Variants in SFMBT2 observed in about 807,000 individuals in gnomAD.
SFMBT2 encodes the protein scm-like with four MBT domains protein 2.
SFMBT2 carries 38 observed loss-of-function variants against 110.1 expected under a neutral mutation model. The observed-to-expected ratio is 0.35, with a 90% CI of 0.27 to 0.45. SFMBT2 has a LOEUF of 0.45. Among genes scored for constraint, SFMBT2 ranks in the 20% least tolerant of loss-of-function variants. SFMBT2 has a pLI of 1.00. For synonymous variants in SFMBT2, 425 were observed against 425.4 expected (o/e 1.00, Z 0.01); for missense variants, 1,011 against 1,094.9 (o/e 0.92, Z 1.08).
At chr10:7,394,447 G>A (rs571372566) in intron 1 of SFMBT2, among the ~76,000 whole-genome samples, 82 of 151,360 alleles carry the variant, frequency 5.4e-4, no homozygotes, top group African/African-American at 1.9e-3. Flanking sequence ...TGGGGAACAC[G>A]CCACTTCCTA....
rs71382101 is a variant in SFMBT2 at position 7,342,396 on chromosome 10, C to CTTTTTTTTTTT, written c.436+25242_436+25252dup. 1.1e-3 allele frequency among the ~76,000 whole-genome samples: 76 copies of CTTTTTTTTTTT among 69,654 alleles called. 15 individuals are homozygous for CTTTTTTTTTTT. The highest frequency in any genetic ancestry group is 1.7e-3 in the Non-Finnish European group (62 of 36,200). The allele number at this position is 69,654 out of a possible 152,430, so 45.7% of individuals were successfully genotyped here. ...ATTTAGGAATTGCACTGGAGTGAGT[C>CTTTTTTTTTTT]TTTTTTTTTTTTTTTTTTTTTTTTT... is the stretch of plus-strand genomic sequence containing the variant. On this transcript the variant is annotated intron_variant, in intron 4 of 20. Coordinates refer to ENST00000397167, the MANE Select transcript of SFMBT2 (RefSeq NM_001387889.1).
At chr10:7,202,936 T>C in intron 12 of SFMBT2, 1 of 985,430 alleles carries the variant, frequency 1.0e-6, no homozygotes, top group Non-Finnish European at 1.2e-6. Flanking sequence ...CAAGGTGCTG[T>C]CAGAGGCATG....
At chr10:7,287,189 C>T (rs1842118110) in intron 4 of SFMBT2, among the ~76,000 whole-genome samples, 1 of 150,280 alleles carries the variant, frequency 6.7e-6, no homozygotes, top group Admixed American at 6.7e-5. Flanking sequence ...ACGCCATTCT[C>T]CTGCCTCAGC....
intron 1 of SFMBT2, among the ~76,000 whole-genome samples, chr10:7,384,613 A>G (rs1845535832): frequency 6.6e-6 from 1 of 152,220 alleles, no homozygotes; most frequent in Non-Finnish European, 1.5e-5. Flanking sequence ...TGGAATCGAC[A>G]CTAAATGAAG....
intron 4 of SFMBT2, chr10:7,294,989 G>A (rs1257241171): frequency 6.6e-6 from 1 of 152,074 alleles, no homozygotes; most frequent in Admixed American, 6.5e-5. Context: ...CTTGTTAACA[G>A]TTTATTTATC....
chr10:7,319,558 AG>A (rs1252237545), intron 4 of SFMBT2, among the ~76,000 whole-genome samples: 26 of 152,360 alleles, frequency 1.7e-4, no homozygotes, highest in African/African-American at 5.5e-4. Context: ...ATGGTATATC[AG>A]GAAGTTTCAT....
intron 1 of SFMBT2, among the ~76,000 whole-genome samples, chr10:7,403,515 G>A (rs141451146): frequency 1.3e-4 from 20 of 152,090 alleles, no homozygotes; most frequent in South Asian, 2.1e-4. Flanking sequence ...GGTGGTGTGC[G>A]CCTGTAGTTC....
intron 4 of SFMBT2, among the ~76,000 whole-genome samples, chr10:7,351,401 C>T (rs542352158): frequency 6.6e-6 from 1 of 152,288 alleles, no homozygotes; most frequent in South Asian, 2.1e-4. Context: ...TAGCACTGCT[C>T]TAAGGAGTTT....
At chr10:7,205,067 T>A in intron 12 of SFMBT2, 2 of 343,166 alleles carry the variant, frequency 5.8e-6, no homozygotes, top group Non-Finnish European at 8.2e-6. Flanking sequence ...GTGCTAAGAG[T>A]AGGCTGTTTA....
intron 4 of SFMBT2, among the ~76,000 whole-genome samples, chr10:7,319,794 C>T (rs1169455329): frequency 1.0e-5 from 1 of 97,084 alleles, no homozygotes; most frequent in Non-Finnish European, 2.3e-5. Flanking sequence ...GAGGGAGAGA[C>T]AGACAGACAG....
chr10:7,256,246 C>G (rs770805090), intron 7 of SFMBT2, among the ~76,000 whole-genome samples: 92 of 152,198 alleles, frequency 6.0e-4, no homozygotes, highest in Non-Finnish European at 1.2e-3. Context: ...GGTTATATAA[C>G]AGACCACGGA....
At chr10:7,374,193 T>C (rs1845139075) in intron 2 of SFMBT2, among the ~76,000 whole-genome samples, 1 of 152,102 alleles carries the variant, frequency 6.6e-6, no homozygotes, top group African/African-American at 2.4e-5. Flanking sequence ...ACCCAGGATG[T>C]GGAGGCTGCA....
At chr10:7,279,683 G>A (rs1234391102) in intron 6 of SFMBT2, among the ~76,000 whole-genome samples, 4 of 152,166 alleles carry the variant, frequency 2.6e-5, no homozygotes, top group South Asian at 2.1e-4. Flanking sequence ...AACATGTCCC[G>A]ATTCCTCTGA....
chr10:7,317,914 A>C (rs1230313856), intron 4 of SFMBT2, among the ~76,000 whole-genome samples: 2 of 152,248 alleles, frequency 1.3e-5, no homozygotes, highest in Admixed American at 1.3e-4. Context: ...TATAAATTCC[A>C]AAAAATCAGC....
intron 4 of SFMBT2, among the ~76,000 whole-genome samples, chr10:7,317,758 G>A (rs1426725399): frequency 6.6e-6 from 1 of 151,928 alleles, no homozygotes; most frequent in Non-Finnish European, 1.5e-5. Flanking sequence ...CCTGCGTAAG[G>A]AAAACACTAA....
rs933259113 is a variant in SFMBT2 at position 7,301,571 on chromosome 10, C to T, written c.437-15617G>A. On this transcript the variant is annotated intron_variant, in intron 4 of 20. Transcript: ENST00000397167. The surrounding 1 kb of genome is among the most constrained non-coding windows in gnomAD (Gnocchi z 4.2). ...GACAGTGGGGGCAGGTCCCCGGGGC[C>T]GGCAAATTCGCGGAACACCAGCCAG... is the stretch of plus-strand genomic sequence containing the variant. Among the ~76,000 whole-genome samples the T allele has an allele frequency of 2.0e-5, 3 of 152,160 alleles. No individual in the cohort carries two copies. The highest frequency in any genetic ancestry group is 6.5e-5 in the Admixed American group (1 of 15,290).
chr10:7,224,114 A>G (rs571591456), intron 10 of SFMBT2, among the ~76,000 whole-genome samples: 1 of 152,216 alleles, frequency 6.6e-6, no homozygotes, highest in African/African-American at 2.4e-5. Context: ...ATTTGTCTTG[A>G]GCAATGTGGG....
Position 7,324,961 on chromosome 10 carries a change from C to CTTTT in SFMBT2, c.437-39011_437-39008dup, listed in dbSNP as rs869253757. ...CTTAATTACTTCCTTAGAGGCCCCA[C>CTTTT]TTTTTTTTTTTTTTTTTTTTTTTTG... On this transcript the variant is annotated intron_variant, in intron 4 of 20. Coordinates refer to ENST00000397167, the MANE Select transcript of SFMBT2 (RefSeq NM_001387889.1). 3.5e-3 allele frequency among the ~76,000 whole-genome samples: 326 copies of CTTTT among 92,128 alleles called. 5 individuals are homozygous for CTTTT. The highest frequency in any genetic ancestry group is 4.7e-3 in the Non-Finnish European group (235 of 49,822). 60.4% of individuals were successfully genotyped at this position (92,128 alleles called of 152,430 possible).
chr10:7,366,115 C>T (rs183493826), intron 4 of SFMBT2, among the ~76,000 whole-genome samples: 97 of 152,218 alleles, frequency 6.4e-4, no homozygotes, highest in African/African-American at 2.2e-3. Flanking sequence ...GAAGAGGGAG[C>T]TATGCTGACA....
Sources: allele counts gnomAD v4.1 joint callset (sites outside exome capture counted in the v4.1 genomes callset), GRCh38; gene constraint gnomAD v4.1.1; non-coding constraint Gnocchi (gnomAD v3.1); transcripts MANE v1.5; gene names NCBI Gene and HGNC (gene_info 2026-07-23, HGNC 2026-07-21).